CDC5L: variants seen among roughly 807,000 people sequenced by gnomAD.
CDC5L encodes the protein cell division cycle 5-like protein.
CDC5L carries 18 observed loss-of-function variants against 104.1 expected under a neutral mutation model. The ratio of observed to expected loss-of-function variants is 0.17; its 90% CI spans 0.12 to 0.26. The LOEUF is 0.26. Ranked by LOEUF, CDC5L falls within the 10% of genes least tolerant of loss-of-function variation. CDC5L has a pLI of 1.00. For synonymous variants in CDC5L, 331 were observed against 322.7 expected (o/e 1.03, Z -0.28); for missense variants, 673 against 956.9 (o/e 0.70, Z 3.91).
At chr6:44,397,153 C>T (rs1003970238) in intron 5 of CDC5L, among the ~76,000 whole-genome samples, 9 of 152,256 alleles carry the variant, frequency 5.9e-5, no homozygotes, top group African/African-American at 1.9e-4. Context: ...GCCCTCTAAT[C>T]CTGCCGTGGT....
chr6:44,401,956 C>T (rs1163001259), intron 5 of CDC5L, among the ~76,000 whole-genome samples: 5 of 131,428 alleles, frequency 3.8e-5, no homozygotes, highest in African/African-American at 1.4e-4. Context: ...TTTCCAATTT[C>T]ATCCATGTCC....
At chr6:44,397,077 T>A (rs560153552) in intron 5 of CDC5L, among the ~76,000 whole-genome samples, 1 of 152,356 alleles carries the variant, frequency 6.6e-6, no homozygotes, top group East Asian at 1.9e-4. Flanking sequence ...TGGCCATTGC[T>A]TATCAACTCG....
At chr6:44,430,123 G>T (rs949818775) in intron 14 of CDC5L, among the ~76,000 whole-genome samples, 6 of 148,648 alleles carry the variant, frequency 4.0e-5, no homozygotes, top group Non-Finnish European at 8.9e-5. Context: ...TTAAAGAATT[G>T]TTGGCCTTCA....
intron 3 of CDC5L, 63 bp downstream of exon 3, chr6:44,392,891 C>A: frequency 7.0e-7 from 1 of 1,434,778 alleles, no homozygotes; most frequent in Non-Finnish European, 9.6e-7. Flanking sequence ...GCTGAATAAA[C>A]TTTGAGTATT....
intron 14 of CDC5L, among the ~76,000 whole-genome samples, chr6:44,436,958 A>G (rs1033688116): frequency 2.0e-5 from 3 of 152,246 alleles, no homozygotes; most frequent in Non-Finnish European, 2.9e-5. Flanking sequence ...TAAGACTATT[A>G]GAAATTTTTT....
intron 10 of CDC5L, 32 bp downstream of exon 10, chr6:44,422,841 A>AT (rs753527190): frequency 2.5e-4 from 368 of 1,496,296 alleles, no homozygotes; most frequent in Middle Eastern, 6.9e-4. Context: ...ATACTCTTAA[A>AT]TTTTTTTTTA....
At chr6:44,410,860 C>T (rs552228808) in intron 8 of CDC5L, among the ~76,000 whole-genome samples, 1 of 152,028 alleles carries the variant, frequency 6.6e-6, no homozygotes, top group African/African-American at 2.4e-5. Context: ...TATGAACCTC[C>T]AGGTTTTCTA....
rs1438410834 is a variant in CDC5L at position 44,429,846 on chromosome 6, G to A, written c.2027G>A (p.Arg676His). The change falls in exon 14 of 16, where the codon CGC becomes CAC. Residue 676 changes from arginine to histidine, a missense_variant. Physicochemically the swap from Arg to His is conservative, Grantham distance 29. Coordinates refer to ENST00000371477, the MANE Select transcript of CDC5L (RefSeq NM_001253.4). ...SQVLYLPGQS[R>H]YTRANLASKK... Reference sequence around the variant, plus strand: ...GTTTTATATCTTCCTGGGCAGAGCCGCTACACACGGGCCAATCTGGCTAGT... The same window carrying A: ...GTTTTATATCTTCCTGGGCAGAGCCACTACACACGGGCCAATCTGGCTAGT... 1 of 1,614,054 alleles carries A rather than the reference G, an allele frequency of 6.2e-7. No homozygotes were observed. The highest frequency in any genetic ancestry group is 1.7e-5 in the Admixed American group (1 of 60,006).
chr6:44,439,942 T>A (rs1430525040), intron 14 of CDC5L, among the ~76,000 whole-genome samples: 1 of 152,204 alleles, frequency 6.6e-6, no homozygotes, highest in African/African-American at 2.4e-5. Context: ...CCCGCTGTAC[T>A]GTACTGCCTG....
At chr6:44,419,317 T>G (rs921317334) in intron 8 of CDC5L, 132 bp from the exon 9 acceptor site, 15 of 755,404 alleles carry the variant, frequency 2.0e-5, no homozygotes, top group Non-Finnish European at 2.8e-5. Context: ...GGTATTCATT[T>G]TCTCTGTTAG....
chr6:44,396,119 A>G (rs1476537771), intron 4 of CDC5L, among the ~76,000 whole-genome samples: 4 of 152,218 alleles, frequency 2.6e-5, no homozygotes, highest in African/African-American at 9.6e-5. Flanking sequence ...AGGGAGGGTA[A>G]GTAAGTGACT....
At chr6:44,437,168 G>T (rs1399792195) in intron 14 of CDC5L, among the ~76,000 whole-genome samples, 3 of 152,134 alleles carry the variant, frequency 2.0e-5, no homozygotes, top group Admixed American at 2.0e-4. Context: ...GTGTGGATGG[G>T]TGTTGGGAGG....
At chr6:44,387,987 C>T in intron 1 of CDC5L, 119 bp downstream of exon 1, 3 of 881,122 alleles carry the variant, frequency 3.4e-6, no homozygotes, top group South Asian at 1.5e-5. Flanking sequence ...GAGGGCAGCC[C>T]GGGGGCTGAC....
intron 6 of CDC5L, among the ~76,000 whole-genome samples, chr6:44,406,027 G>A (rs923464969): frequency 8.6e-5 from 13 of 151,544 alleles, no homozygotes; most frequent in Admixed American, 2.6e-4. Context: ...TCAGCCTCCC[G>A]AGTAGCTGGG....
At chr6:44,412,487 A>G (rs1476078695) in intron 8 of CDC5L, among the ~76,000 whole-genome samples, 1 of 151,830 alleles carries the variant, frequency 6.6e-6, no homozygotes, top group Non-Finnish European at 1.5e-5. Flanking sequence ...TTGGCCTCTC[A>G]GAGTGCTGGG....
intron 5 of CDC5L, among the ~76,000 whole-genome samples, chr6:44,401,192 C>T (rs1791106351): frequency 6.6e-6 from 1 of 152,094 alleles, no homozygotes; most frequent in Admixed American, 6.6e-5. Context: ...TGTCCTGCTT[C>T]TTCCCCAGGG....
Position 44,387,788 on chromosome 6 carries a change from C to T in CDC5L, c.-36C>T, listed in dbSNP as rs1234078565. ...TCGCTGTTACTACTTCTCTGAAGCTCCTCTCGGCTGCTTGCCGAGACACCC... is the reference window on the plus strand; with the variant it reads ...TCGCTGTTACTACTTCTCTGAAGCTTCTCTCGGCTGCTTGCCGAGACACCC... On this transcript the variant is annotated 5_prime_UTR_variant, in exon 1 of 16. Transcript: ENST00000371477. 8 of 1,545,802 alleles carry T rather than the reference C, an allele frequency of 5.2e-6. No individual in the cohort carries two copies. Among genetic ancestry groups the T allele is most frequent in the East Asian group, 2.4e-5 (1 of 40,980 alleles).
intron 14 of CDC5L, among the ~76,000 whole-genome samples, chr6:44,433,161 T>G (rs1207434490): frequency 6.6e-6 from 1 of 152,242 alleles, no homozygotes; most frequent in African/African-American, 2.4e-5. Flanking sequence ...TATTCACACA[T>G]TCAGTAATTA....
chr6:44,431,413 T>G (rs766405353), intron 14 of CDC5L, among the ~76,000 whole-genome samples: 1 of 152,196 alleles, frequency 6.6e-6, no homozygotes, highest in Non-Finnish European at 1.5e-5. Context: ...TAGGCTTCAT[T>G]TCTTATAAAT....
Sources: allele counts gnomAD v4.1 joint callset (sites outside exome capture counted in the v4.1 genomes callset), GRCh38; gene constraint gnomAD v4.1.1; transcripts MANE v1.5; gene names NCBI Gene and HGNC (gene_info 2026-07-23, HGNC 2026-07-21).